The following DCDC2C variants were observed in gnomAD, a reference collection of about 807,000 sequenced individuals.
DCDC2C encodes the protein doublecortin domain containing 2C.
Under a neutral mutation model 45.0 loss-of-function variants are expected in DCDC2C, and 44 were observed. The ratio of observed to expected loss-of-function variants is 0.98; its 90% CI spans 0.77 to 1.26. DCDC2C has a LOEUF of 1.26. Among genes scored for constraint, DCDC2C ranks in the 50% most tolerant of loss-of-function variants. The pLI, the probability that DCDC2C is intolerant of heterozygous loss-of-function variation, is 0.00. For missense variants in DCDC2C, 447 were observed against 468.9 expected (o/e 0.95, Z 0.43); for synonymous variants, 187 against 178.8 (o/e 1.05, Z -0.37).
chr2:3,784,006 A>G (rs994948563), intron 9 of DCDC2C, among the ~76,000 whole-genome samples: 1 of 152,246 alleles, frequency 6.6e-6, no homozygotes, highest in Non-Finnish European at 1.5e-5. Context: ...CAATAAAAAG[A>G]AAGGCAAATA....
intron 2 of DCDC2C, among the ~76,000 whole-genome samples, chr2:3,725,439 A>AGGAGGCTGCCCGGTGGATCCTGGAGGG (rs1558564418): frequency 2.2e-5 from 1 of 46,456 alleles, no homozygotes; most frequent in Non-Finnish European, 5.1e-5. Context: ...ATCCCAGAGG[A>AGGAGGCTGCCCGGTGGATCCTGGAGGG]AGACGAGCAG....
intron 1 of DCDC2C, among the ~76,000 whole-genome samples, chr2:3,705,798 T>C (rs1668049717): frequency 6.6e-6 from 1 of 151,636 alleles, no homozygotes; most frequent in Non-Finnish European, 1.5e-5. Context: ...TGAGAAAAAA[T>C]TGAGATGTTT....
intron 10 of DCDC2C, among the ~76,000 whole-genome samples, chr2:3,815,245 G>A (rs1323230567): frequency 1.1e-4 from 16 of 152,358 alleles, no homozygotes; most frequent in African/African-American, 3.4e-4. Flanking sequence ...TGGGTAGCAC[G>A]CTCACTCACT....
At chr2:3,784,935 A>G (rs1572615562) in intron 9 of DCDC2C, 124 bp from the exon 10 acceptor site, 4 of 594,740 alleles carry the variant, frequency 6.7e-6, no homozygotes, top group Non-Finnish European at 7.4e-6. Context: ...AAGCTCCTGA[A>G]TGATGTTTAT....
intron 10 of DCDC2C, among the ~76,000 whole-genome samples, chr2:3,795,015 G>C (rs977354215): frequency 2.6e-5 from 4 of 152,252 alleles, no homozygotes; most frequent in African/African-American, 4.8e-5. Context: ...TCCACATCCT[G>C]TCCAGCACCT....
chr2:3,754,746 G>A, intron 6 of DCDC2C, 112 bp downstream of exon 6: 5 of 882,354 alleles, frequency 5.7e-6, no homozygotes, highest in Non-Finnish European at 8.6e-6. Flanking sequence ...GAGCATCAGT[G>A]CCAGGGCCTG....
intron 6 of DCDC2C, among the ~76,000 whole-genome samples, chr2:3,758,943 G>C (rs1321370776): frequency 2.0e-5 from 3 of 152,226 alleles, no homozygotes. Flanking sequence ...AAGCACAGAA[G>C]AGCCGATTCA....
chr2:3,725,700 G>GAGGGAGGA (rs1668646085), intron 2 of DCDC2C, among the ~76,000 whole-genome samples: 1 of 151,166 alleles, frequency 6.6e-6, no homozygotes, highest in Non-Finnish European at 1.5e-5. Flanking sequence ...GGATCCCAGA[G>GAGGGAGGA]GGAGATGAGC....
chr2:3,833,446 G>T (rs569538132), intron 10 of DCDC2C, among the ~76,000 whole-genome samples: 23 of 152,260 alleles, frequency 1.5e-4, no homozygotes, highest in African/African-American at 5.3e-4. Flanking sequence ...TCTTTCATTT[G>T]CGTCTGACAC....
intron 7 of DCDC2C, among the ~76,000 whole-genome samples, chr2:3,768,698 C>T: frequency 6.6e-6 from 1 of 152,132 alleles, no homozygotes; most frequent in East Asian, 1.9e-4. Flanking sequence ...CTTAGCCTCC[C>T]AAGTAGCTGG....
At chr2:3,842,309 GACA>G (rs1433677820) in intron 10 of DCDC2C, among the ~76,000 whole-genome samples, 6 of 152,138 alleles carry the variant, frequency 3.9e-5, no homozygotes, top group African/African-American at 7.2e-5. Flanking sequence ...ATACCACAGA[GACA>G]ACGATTGACT....
intron 10 of DCDC2C, among the ~76,000 whole-genome samples, chr2:3,811,441 C>T (rs1449013926): frequency 6.6e-6 from 1 of 152,162 alleles, no homozygotes; most frequent in East Asian, 1.9e-4. Flanking sequence ...TATCCTGAGA[C>T]TTTGCTGAAG....
chr2:3,723,093 T>C (rs1178892347), intron 2 of DCDC2C, among the ~76,000 whole-genome samples: 1 of 152,232 alleles, frequency 6.6e-6, no homozygotes, highest in Non-Finnish European at 1.5e-5. Context: ...TTTCAGAGCA[T>C]CAGAGCTGTT....
chr2:3,821,564 G>C, intron 10 of DCDC2C, among the ~76,000 whole-genome samples: 1 of 152,162 alleles, frequency 6.6e-6, no homozygotes, highest in Non-Finnish European at 1.5e-5. Context: ...CTGTATCCTG[G>C]TTTGCTGAGA....
At chr2:3,754,963 C>T (rs531554564) in intron 6 of DCDC2C, among the ~76,000 whole-genome samples, 1 of 152,284 alleles carries the variant, frequency 6.6e-6, no homozygotes, top group South Asian at 2.1e-4. Context: ...TCAAGCTTGG[C>T]ATGAGTGGCA....
At chr2:3,785,879 C>T (rs188055218) in intron 10 of DCDC2C, among the ~76,000 whole-genome samples, 2 of 152,188 alleles carry the variant, frequency 1.3e-5, no homozygotes, top group African/African-American at 4.8e-5. Flanking sequence ...CTTGAATCAG[C>T]TCTGCCTGGC....
chr2:3,794,941 C>T lies in DCDC2C; in HGVS notation c.1065+9841C>T, dbSNP rs544683556. Reference sequence around the variant, plus strand: ...TCTAGATCCCTGAGGAATCGCCACACTGACTTCCACAATGGTTGAACTAGT... The same window carrying T: ...TCTAGATCCCTGAGGAATCGCCACATTGACTTCCACAATGGTTGAACTAGT... On this transcript the variant is annotated intron_variant, in intron 10 of 10. Transcript: ENST00000399143. 7.2e-5 allele frequency among the ~76,000 whole-genome samples: 11 copies of T among 152,320 alleles called. 1 individual carries two copies. The South Asian group carries it at 2.3e-3, about 32-fold the overall frequency.
At chr2:3,732,952 T>C (rs1289856821) in intron 3 of DCDC2C, among the ~76,000 whole-genome samples, 1 of 152,212 alleles carries the variant, frequency 6.6e-6, no homozygotes, top group Non-Finnish European at 1.5e-5. Context: ...CTTCGACTAA[T>C]ATATTGTATT....
At chr2:3,755,781 T>C (rs1277491347) in intron 6 of DCDC2C, among the ~76,000 whole-genome samples, 14 of 152,082 alleles carry the variant, frequency 9.2e-5, no homozygotes, top group Non-Finnish European at 1.6e-4. Context: ...TACATATGTA[T>C]GTTTGGAGGT....
Sources: allele counts gnomAD v4.1 joint callset (sites outside exome capture counted in the v4.1 genomes callset), GRCh38; gene constraint gnomAD v4.1.1; transcripts MANE v1.5; gene names NCBI Gene and HGNC (gene_info 2026-07-23, HGNC 2026-07-21).